TMTC4: variants seen among roughly 807,000 people sequenced by gnomAD.
TMTC4 encodes the protein transmembrane O-mannosyltransferase targeting cadherins 4.
Under a neutral mutation model 86.0 loss-of-function variants are expected in TMTC4, and 65 were observed. The observed-to-expected ratio is 0.76, with a 90% CI of 0.62 to 0.93. TMTC4 has a LOEUF of 0.93. Among genes scored for constraint, TMTC4 ranks in the 40% least tolerant of loss-of-function variants. The pLI is 0.00. For missense variants in TMTC4, 866 were observed against 948.1 expected, an observed-to-expected ratio of 0.91 and a Z score of 1.14; for synonymous variants, 379 against 382.5, an observed-to-expected ratio of 0.99 and a Z score of 0.11.
intron 12 of TMTC4, among the ~76,000 whole-genome samples, chr13:100,629,456 G>A (rs929716135): frequency 5.9e-5 from 9 of 152,164 alleles, no homozygotes; most frequent in African/African-American, 2.2e-4. Context: ...CTTCTGAGTT[G>A]ATAAACTGCT....
Position 100,642,320 on chromosome 13 carries a change from T to A in TMTC4, c.641-9A>T. On this transcript the variant is annotated splice_polypyrimidine_tract_variant and intron_variant, in intron 6 of 18. Coordinates refer to ENST00000342624, the MANE Select transcript of TMTC4 (RefSeq NM_032813.5). ...CGCTCCCTCCTTGTTACCTGCCAAT[T>A]AAGAGAAATGATCAGTGCAAAAGTC... 1 of 1,614,096 alleles carries A rather than the reference T, an allele frequency of 6.2e-7. No individual in the cohort carries two copies. The highest frequency in any genetic ancestry group is 8.5e-7 in the Non-Finnish European group (1 of 1,179,984).
intron 12 of TMTC4, among the ~76,000 whole-genome samples, chr13:100,626,435 C>T (rs958107726): frequency 6.6e-5 from 10 of 152,122 alleles, no homozygotes; most frequent in African/African-American, 2.2e-4. Flanking sequence ...AACTACAAAG[C>T]TGGGCTTTTT....
At position 100,668,801 on chromosome 13, in the gene TMTC4, GA is replaced by G. The variant is rs1320312268; in HGVS notation, c.4-8del. On this transcript the variant is annotated splice_polypyrimidine_tract_variant and splice_region_variant and intron_variant, in intron 2 of 18. Transcript: ENST00000342624. ...CATTATGCTGGTTAGGAATCTGCAG[GA>G]AAAACAACACTGTATAAATATTCAT... 5 of 1,613,580 alleles carry G rather than the reference GA, an allele frequency of 3.1e-6. No individual in the cohort carries two copies. The highest frequency in any genetic ancestry group is 4.5e-5 in the East Asian group (2 of 44,882).
chr13:100,634,974 G>A (rs775586762), intron 11 of TMTC4, 38 bp from the exon 12 acceptor site: 2 of 1,610,752 alleles, frequency 1.2e-6, no homozygotes, highest in Non-Finnish European at 1.7e-6. Flanking sequence ...TCACCAGTGA[G>A]ATGCATCCGG....
At chr13:100,631,780 A>T (rs1470617985) in intron 12 of TMTC4, among the ~76,000 whole-genome samples, 1 of 152,222 alleles carries the variant, frequency 6.6e-6, no homozygotes, top group Non-Finnish European at 1.5e-5. Context: ...ATGGGACTGA[A>T]GGAAACCAGT....
intron 1 of TMTC4, chr13:100,673,282 G>C (rs1434063863): frequency 1.0e-6 from 1 of 984,876 alleles, no homozygotes. Flanking sequence ...CGGCAGCCTG[G>C]ACTGCGGTAA....
chr13:100,620,968 A>G (rs912116015), intron 15 of TMTC4, among the ~76,000 whole-genome samples: 1 of 152,256 alleles, frequency 6.6e-6, no homozygotes, highest in Non-Finnish European at 1.5e-5. Flanking sequence ...AAAGCTGGAT[A>G]ATTAAACCAC....
chr13:100,660,946 G>A (rs1182796332), intron 5 of TMTC4, among the ~76,000 whole-genome samples: 2 of 152,154 alleles, frequency 1.3e-5, no homozygotes, highest in African/African-American at 2.4e-5. Flanking sequence ...GAGCCACTGC[G>A]CCTGGCCTAA....
chr13:100,636,402 T>A (rs1015520794), intron 10 of TMTC4, 130 bp downstream of exon 10: 6 of 1,120,734 alleles, frequency 5.4e-6, no homozygotes, highest in Non-Finnish European at 7.6e-6. Context: ...ATCCTAGCCA[T>A]AAATATGCAT....
Position 100,625,884 on chromosome 13 carries a change from G to C in TMTC4, c.1595C>G (p.Pro532Arg). ...ATTATTCATGGCATGAACATACTTG[G>C]GATTTAATCTGAAAGTTGAGAAAAA... is the stretch of plus-strand genomic sequence containing the variant. ...RYYREAVRLN[P>R]KYVHAMNNLG... Residue 532 changes from proline to arginine, a missense_variant, in exon 14 of 19, where the codon CCC (proline) becomes CGC (arginine). Physicochemically the swap from Pro to Arg is moderately radical, Grantham distance 103. Coordinates refer to ENST00000342624, the MANE Select transcript of TMTC4 (RefSeq NM_032813.5). The C allele has an allele frequency of 6.2e-7, 1 of 1,611,900 alleles. No individual in the cohort carries two copies. The highest frequency in any genetic ancestry group is 8.5e-7 in the Non-Finnish European group (1 of 1,179,704).
intron 15 of TMTC4, among the ~76,000 whole-genome samples, chr13:100,620,161 CT>C (rs958058313): frequency 5.6e-4 from 85 of 152,334 alleles, no homozygotes; most frequent in African/African-American, 1.8e-3. Context: ...TACGCTTACC[CT>C]TCTGTACTCT....
At chr13:100,615,496 G>A (rs1004193466) in intron 15 of TMTC4, among the ~76,000 whole-genome samples, 1 of 151,730 alleles carries the variant, frequency 6.6e-6, no homozygotes, top group African/African-American at 2.4e-5. Context: ...GAGTGCAGTG[G>A]CATGATCTTG....
intron 1 of TMTC4, 28 bp downstream of exon 1, chr13:100,674,716 G>A: frequency 4.1e-6 from 4 of 983,494 alleles, no homozygotes; most frequent in Non-Finnish European, 4.8e-6. Flanking sequence ...GGCGCGCTCG[G>A]CCCTGCAGGG....
intron 12 of TMTC4, among the ~76,000 whole-genome samples, chr13:100,626,485 T>C (rs1462171350): frequency 6.6e-6 from 1 of 152,222 alleles, no homozygotes; most frequent in Non-Finnish European, 1.5e-5. Flanking sequence ...GGTCTTGCTA[T>C]GTTGCCCAGG....
intron 12 of TMTC4, among the ~76,000 whole-genome samples, chr13:100,634,582 T>C (rs1362866207): frequency 6.6e-6 from 1 of 152,112 alleles, no homozygotes; most frequent in Non-Finnish European, 1.5e-5. Flanking sequence ...GTTTCATTGA[T>C]ACTGTCTGCT....
In TMTC4 at chr13:100,612,442, T is replaced by C. The variant is rs144940475; in HGVS notation, c.2020A>G (p.Met674Val). ...CCCAGCACGTTTGCCAACGAGAACA[T>C]GAGAGAGTGATCATTAGGTATTAAT... ...LELIPNDHSL[M>V]FSLANVLGKS... Residue 674 changes from methionine to valine, a missense_variant, in exon 17 of 19, where the codon ATG (methionine) becomes GTG (valine). Physicochemically the swap from Met to Val is conservative, Grantham distance 21. Transcript: ENST00000342624. 237 of 1,611,072 alleles carry C rather than the reference T, an allele frequency of 1.5e-4. No homozygotes were observed. Among genetic ancestry groups the C allele is most frequent in the African/African-American group, 1.1e-3 (85 of 74,954 alleles).
In TMTC4 at chr13:100,655,037, T is replaced by TG. The variant is rs56301342; in HGVS notation, c.640+1343dup. On this transcript the variant is annotated intron_variant, in intron 6 of 18. Coordinates refer to ENST00000342624, the MANE Select transcript of TMTC4 (RefSeq NM_032813.5). ...GCCTATTTTTTTTTTTTTTTTTTTTTGTGAGACGGAGTGTCACTCTGTCAC... is the reference window on the plus strand; with the variant it reads ...GCCTATTTTTTTTTTTTTTTTTTTTTGGTGAGACGGAGTGTCACTCTGTCAC... Among the ~76,000 whole-genome samples the TG allele has an allele frequency of 3.1e-5, 4 of 129,606 alleles. 1 individual carries two copies. Among genetic ancestry groups the TG allele is most frequent in the African/African-American group, 5.4e-5 (2 of 37,054 alleles). The allele number at this position is 129,606 out of a possible 152,430, so 85.0% of individuals were successfully genotyped here.
chr13:100,642,347 T>G, intron 6 of TMTC4, 36 bp from the exon 7 acceptor site: 1 of 1,609,282 alleles, frequency 6.2e-7, no homozygotes, highest in Non-Finnish European at 8.5e-7. Flanking sequence ...GCAAAAGTCA[T>G]GGAATGCAGC....
chr13:100,662,906 TG>T, intron 5 of TMTC4, 57 bp downstream of exon 5: 3 of 1,583,988 alleles, frequency 1.9e-6, no homozygotes, highest in Non-Finnish European at 2.6e-6. Flanking sequence ...CCAGGCGACA[TG>T]GGGGTGTCAT....
Sources: allele counts gnomAD v4.1 joint callset (sites outside exome capture counted in the v4.1 genomes callset), GRCh38; gene constraint gnomAD v4.1.1; transcripts MANE v1.5; gene names NCBI Gene and HGNC (gene_info 2026-07-23, HGNC 2026-07-21).